Variants in N4BP2 observed in about 807,000 individuals in gnomAD.
The protein encoded by N4BP2 is NEDD4-binding protein 2.
N4BP2 carries 91 observed loss-of-function variants against 152.8 expected under a neutral mutation model. The ratio of observed to expected loss-of-function variants is 0.60; its 90% CI spans 0.50 to 0.71. The LOEUF is 0.71. Ranked by LOEUF, N4BP2 falls within the 30% of genes least tolerant of loss-of-function variation. The probability of loss-of-function intolerance (pLI) is 0.00; values close to 1 mark genes in which losing one functional copy is unlikely to be tolerated. For missense variants in N4BP2, 1,923 were observed against 2,059.1 expected, an observed-to-expected ratio of 0.93 and a Z score of 1.28; for synonymous variants, 646 against 705.3, an observed-to-expected ratio of 0.92 and a Z score of 1.33.
chr4:40,102,706 T>G lies in N4BP2; in HGVS notation c.861T>G (p.Asp287Glu). 2 of 1,614,204 alleles carry G rather than the reference T, an allele frequency of 1.2e-6. No individual in the cohort carries two copies. Among genetic ancestry groups the G allele is most frequent in the Non-Finnish European group, 1.7e-6 (2 of 1,180,046 alleles). ...AQFSEAPVDLDASEPQACLNL... is the reference protein window; with the variant it reads ...AQFSEAPVDLEASEPQACLNL... ...TCTCTGAAGCTCCTGTAGATTTGGA[T>G]GCCAGTGAACCTCAGGCTTGTTTAA... The change falls in exon 4 of 18, where the codon GAT becomes GAG. Residue 287 changes from aspartate (D) to glutamate (E), a missense_variant. Coordinates refer to ENST00000261435, the MANE Select transcript of N4BP2 (RefSeq NM_018177.6).
intron 11 of N4BP2, among the ~76,000 whole-genome samples, chr4:40,125,683 C>G (rs1241058028): frequency 4.6e-5 from 7 of 152,228 alleles, no homozygotes; most frequent in East Asian, 3.9e-4. Flanking sequence ...GTCAGGAGTT[C>G]AAGACCAGCC....
rs922389060 is a variant in N4BP2 at position 40,126,380 on chromosome 4, G to T, written c.4527+50G>T. ...CTACTGTCTCTGATTCTGGTTTATT[G>T]TGTATGTTTACTTTGTGATTTTTTC... On this transcript the variant is annotated intron_variant, in intron 12 of 17. Transcript: ENST00000261435. 16 of 896,854 alleles carry T rather than the reference G, an allele frequency of 1.8e-5. No homozygotes were observed. In the African/African-American group the frequency reaches 2.6e-4, roughly 15 times the overall value. 55.6% of individuals were successfully genotyped at this position (896,854 alleles called of 1,614,324 possible).
At chr4:40,147,442 G>A (rs1397368668) in intron 16 of N4BP2, among the ~76,000 whole-genome samples, 5 of 152,030 alleles carry the variant, frequency 3.3e-5, no homozygotes, top group Admixed American at 6.5e-5. Context: ...CCTCCCAGAC[G>A]GGGTGGTGGC....
rs1721703287 is a variant in N4BP2, at chr4:40,157,550, G to A, written c.*3313G>A. 6.6e-6 allele frequency: 1 copy of A among 152,094 alleles called. No individual in the cohort carries two copies. Among genetic ancestry groups the A allele is most frequent in the Non-Finnish European group, 1.5e-5 (1 of 67,958 alleles). 9.4% of individuals were successfully genotyped at this position (152,094 alleles called of 1,614,324 possible). ...AAACTCAGGAAATTGCTCTGACAAT[G>A]TTTTAACTGCTCTCAATTTAAGAAA... On this transcript the variant is annotated 3_prime_UTR_variant, in exon 18 of 18. Transcript: ENST00000261435.
intron 8 of N4BP2, among the ~76,000 whole-genome samples, chr4:40,118,439 T>A (rs1560610517): frequency 7.6e-6 from 1 of 131,806 alleles, no homozygotes; most frequent in East Asian, 2.1e-4. Context: ...TTTCAAAAAA[T>A]AAATAAATAA....
At chr4:40,127,808 C>A (rs995343607) in intron 12 of N4BP2, among the ~76,000 whole-genome samples, 1 of 152,062 alleles carries the variant, frequency 6.6e-6, no homozygotes, top group Non-Finnish European at 1.5e-5. Context: ...CTACAGGTGC[C>A]TGCCACCGCG....
chr4:40,182,752 A>G, the N4BP2 span, among the ~76,000 whole-genome samples: 2 of 151,960 alleles, frequency 1.3e-5, no homozygotes, highest in East Asian at 1.9e-4. Flanking sequence ...TCTCAGCTCA[A>G]TGGAACCTCT....
chr4:40,092,477 A>G (rs929136768), intron 2 of N4BP2, among the ~76,000 whole-genome samples: 1 of 151,866 alleles, frequency 6.6e-6, no homozygotes, highest in Non-Finnish European at 1.5e-5. Flanking sequence ...GTCTATAGTA[A>G]TATCCCTTTT....
chr4:40,089,195 T>TC (rs928473190), intron 2 of N4BP2, among the ~76,000 whole-genome samples: 12 of 150,972 alleles, frequency 7.9e-5, no homozygotes, highest in Non-Finnish European at 1.6e-4. Flanking sequence ...CTTAAGGGAT[T>TC]CCCCCCCTCT....
intron 2 of N4BP2, among the ~76,000 whole-genome samples, chr4:40,092,013 TATATATATATATATA>T (rs1560584908): frequency 3.3e-3 from 180 of 54,124 alleles, no homozygotes; most frequent in Non-Finnish European, 5.4e-3. Flanking sequence ...AAAAATTATA[TATATATATATATATA>T]TATATATATA....
intron 2 of N4BP2, among the ~76,000 whole-genome samples, chr4:40,089,178 T>C (rs1206593340): frequency 6.6e-6 from 1 of 151,566 alleles, no homozygotes; most frequent in Admixed American, 6.6e-5. Context: ...GGTATTGAAC[T>C]CCTGGGCTTA....
At position 40,102,767 on chromosome 4, in the gene N4BP2, G is replaced by C; in HGVS notation, c.922G>C (p.Asp308His). ...PGLDLPGTGG[D>H]QKSTRVSDVF... is the part of the protein sequence containing the mutation. ...GCTTGATTTACCAGGTACAGGTGGG[G>C]ATCAGAAATCTACTCGGGTCTCTGA... Residue 308 changes from aspartate (D) to histidine (H), a missense_variant, in exon 4 of 18, where the codon GAT (aspartate) becomes CAT (histidine). Coordinates refer to ENST00000261435, the MANE Select transcript of N4BP2 (RefSeq NM_018177.6). 1 of 1,614,120 alleles carries C rather than the reference G, an allele frequency of 6.2e-7. No individual in the cohort carries two copies. Among genetic ancestry groups the C allele is most frequent in the Non-Finnish European group, 8.5e-7 (1 of 1,180,026 alleles).
In N4BP2 at chr4:40,102,340, G is replaced by T. The variant is rs752879446; in HGVS notation, c.495G>T (p.Leu165Phe). ...CTGATGACCAAGTATACTCATTTTT[G>T]CCTTCACAAGATGTTAATAGTTTTA... Reference protein sequence around the residue: ...SSPDDQVYSFLPSQDVNSFND... With the variant: ...SSPDDQVYSFFPSQDVNSFND... The change falls in exon 4 of 18, where the codon TTG (leucine) becomes TTT (phenylalanine). Residue 165 changes from leucine to phenylalanine, a missense_variant. Transcript: ENST00000261435. 1 of 1,612,468 alleles carries T rather than the reference G, an allele frequency of 6.2e-7. No individual in the cohort carries two copies. Among genetic ancestry groups the T allele is most frequent in the Non-Finnish European group, 8.5e-7 (1 of 1,179,546 alleles).
At position 40,148,992 on chromosome 4, in the gene N4BP2, G is replaced by A. The variant is rs971010113; in HGVS notation, c.5144-3788G>A. On this transcript the variant is annotated intron_variant, in intron 16 of 17. Transcript: ENST00000261435. ...ATGGAAAGTAATCAGTATTGTTAAG[G>A]ATGTGGATAAATTGGAGCCCTCATA... Among the ~76,000 whole-genome samples, 10 of 152,318 alleles carry A rather than the reference G, an allele frequency of 6.6e-5. No individual in the cohort carries two copies. The South Asian group carries it at 1.7e-3, about 25-fold the overall frequency.
intron 1 of N4BP2, among the ~76,000 whole-genome samples, chr4:40,059,671 T>TA (rs752341604): frequency 2.6e-5 from 4 of 151,044 alleles, no homozygotes; most frequent in Non-Finnish European, 5.9e-5. Flanking sequence ...ACTTTTTTGA[T>TA]ACCTACCTTG....
At chr4:40,178,522 G>A in the N4BP2 span, among the ~76,000 whole-genome samples, 221 of 152,230 alleles carry the variant, frequency 1.5e-3, no homozygotes, top group Admixed American at 4.9e-3. Context: ...GTGGTACTTG[G>A]GCAGCATGTA....
At position 40,121,693 on chromosome 4, in the gene N4BP2, T is replaced by C. The variant is rs1251147606; in HGVS notation, c.3582T>C (p.Cys1194=). The change falls in exon 9 of 18, where the codon TGT becomes TGC. Residue 1194 remains cysteine (C), a synonymous_variant. Transcript: ENST00000261435. ...GTAACGCTGACTCACAGTCTACTTG[T>C]GATGCAGAAAGAGGAAACTCAGAGC... The part of the protein sequence containing the change: ...GISNADSQST[C]DAERGNSEQA... The C allele has an allele frequency of 2.0e-5, 33 of 1,613,980 alleles. No homozygotes were observed. The highest frequency in any genetic ancestry group is 2.7e-5 in the Non-Finnish European group (32 of 1,180,010).
chr4:40,101,042 C>CAAGT (rs902737146), intron 3 of N4BP2, among the ~76,000 whole-genome samples: 1 of 152,164 alleles, frequency 6.6e-6, no homozygotes, highest in African/African-American at 2.4e-5. Context: ...TTGTGTCTGG[C>CAAGT]AAGTTACTTT....
At chr4:40,150,586 G>A (rs575122658) in intron 16 of N4BP2, among the ~76,000 whole-genome samples, 92 of 151,622 alleles carry the variant, frequency 6.1e-4, no homozygotes, top group African/African-American at 1.9e-3. Context: ...CAGAAGAATC[G>A]CTTGAACCCA....
Sources: allele counts gnomAD v4.1 joint callset (sites outside exome capture counted in the v4.1 genomes callset), GRCh38; gene constraint gnomAD v4.1.1; transcripts MANE v1.5; gene names NCBI Gene and HGNC (gene_info 2026-07-23, HGNC 2026-07-21).